The following MACROD2 variants were observed in gnomAD, a reference collection of about 807,000 sequenced individuals.
MACROD2 encodes the protein ADP-ribose glycohydrolase MACROD2.
Under a neutral mutation model 70.4 loss-of-function variants are expected in MACROD2, and 36 were observed. That is an observed-to-expected ratio of 0.51 (90% confidence interval 0.39 to 0.68). MACROD2 has a LOEUF of 0.68. Ranked by LOEUF, MACROD2 falls within the 30% of genes least tolerant of loss-of-function variation. MACROD2 has a pLI of 0.00. For missense variants in MACROD2, 496 were observed against 538.4 expected (o/e 0.92, Z 0.78); for synonymous variants, 172 against 178.8 (o/e 0.96, Z 0.30).
intron 15 of MACROD2, among the ~76,000 whole-genome samples, chr20:16,027,653 G>A (rs557626496): frequency 7.5e-4 from 114 of 152,254 alleles, no homozygotes; most frequent in Non-Finnish European, 1.3e-3. Context: ...CCCCACTGTG[G>A]CTCCTTACAT....
chr20:14,174,989 T>G (rs1490345546), intron 3 of MACROD2, among the ~76,000 whole-genome samples: 2 of 152,202 alleles, frequency 1.3e-5, no homozygotes, highest in East Asian at 3.8e-4. Flanking sequence ...GGGCAGATGA[T>G]TCCCCTTTCA....
intron 3 of MACROD2, among the ~76,000 whole-genome samples, chr20:14,161,110 A>C (rs1432084040): frequency 6.6e-6 from 1 of 151,604 alleles, no homozygotes; most frequent in Non-Finnish European, 1.5e-5. Context: ...TCTGTTCCTG[A>C]GTTATTTTAC....
intron 3 of MACROD2, among the ~76,000 whole-genome samples, chr20:14,154,376 T>C (rs986752674): frequency 1.3e-5 from 2 of 151,036 alleles, no homozygotes; most frequent in Non-Finnish European, 3.0e-5. Flanking sequence ...AATTTAGTAA[T>C]ACCTTTTCTT....
At chr20:15,586,362 T>C (rs115562096) in intron 8 of MACROD2, among the ~76,000 whole-genome samples, 4,850 of 152,346 alleles carry the variant, frequency 0.032, 108 homozygotes, top group Middle Eastern at 0.071. Context: ...GGTGTGAGCC[T>C]GCATTCACCA....
At chr20:15,893,587 A>C in intron 10 of MACROD2, 2 of 401,714 alleles carry the variant, frequency 5.0e-6, no homozygotes, top group South Asian at 3.8e-5. Flanking sequence ...AATTCATTCA[A>C]ATTTTCTTTT....
chr20:15,352,178 T>G (rs1295243883), intron 6 of MACROD2, among the ~76,000 whole-genome samples: 1 of 152,170 alleles, frequency 6.6e-6, no homozygotes, highest in Admixed American at 6.6e-5. Flanking sequence ...AGCCAAGGCT[T>G]GGCAGGATGA....
intron 6 of MACROD2, among the ~76,000 whole-genome samples, chr20:15,368,879 A>G (rs2045450745): frequency 6.6e-6 from 1 of 152,238 alleles, no homozygotes; most frequent in Non-Finnish European, 1.5e-5. Flanking sequence ...AGTGTTTGAT[A>G]TATTTCTTGT....
At chr20:14,797,118 C>T (rs770669530) in intron 5 of MACROD2, among the ~76,000 whole-genome samples, 2 of 152,036 alleles carry the variant, frequency 1.3e-5, no homozygotes, top group Admixed American at 6.6e-5. Flanking sequence ...GTGTTACTCT[C>T]GCATCTCCTT....
At chr20:15,078,914 G>A (rs1210037004) in intron 5 of MACROD2, among the ~76,000 whole-genome samples, 3 of 151,936 alleles carry the variant, frequency 2.0e-5, no homozygotes, top group Non-Finnish European at 2.9e-5. Context: ...CCAAAATGCT[G>A]GGATTATAGG....
At chr20:15,451,697 G>T (rs1348934068) in intron 7 of MACROD2, among the ~76,000 whole-genome samples, 1 of 152,120 alleles carries the variant, frequency 6.6e-6, no homozygotes, top group Non-Finnish European at 1.5e-5. Flanking sequence ...AAAGAAAAAT[G>T]AGGCCTCACG....
intron 5 of MACROD2, among the ~76,000 whole-genome samples, chr20:15,096,414 A>G (rs1242519706): frequency 7.0e-6 from 1 of 142,860 alleles, no homozygotes; most frequent in Non-Finnish European, 1.6e-5. Flanking sequence ...GTCTGTAATT[A>G]TTTTAAAATA....
chr20:15,863,435 A>C (rs2064452435), intron 9 of MACROD2, among the ~76,000 whole-genome samples: 1 of 152,158 alleles, frequency 6.6e-6, no homozygotes, highest in African/African-American at 2.4e-5. Flanking sequence ...ATGTGCCGTT[A>C]GTTGGATTTG....
intron 3 of MACROD2, among the ~76,000 whole-genome samples, chr20:14,218,689 A>G (rs2081644739): frequency 1.3e-5 from 2 of 152,118 alleles, no homozygotes; most frequent in South Asian, 4.1e-4. Context: ...TTGTTTCAAG[A>G]TTTAGAGCAA....
intron 5 of MACROD2, among the ~76,000 whole-genome samples, chr20:15,176,017 C>A (rs552704068): frequency 1.9e-3 from 283 of 152,368 alleles, no homozygotes; most frequent in Non-Finnish European, 1.6e-3. Context: ...CCTCTCCCTG[C>A]TCCCAGTACC....
intron 5 of MACROD2, among the ~76,000 whole-genome samples, chr20:15,202,866 T>C (rs2076668555): frequency 6.6e-6 from 1 of 152,188 alleles, no homozygotes; most frequent in African/African-American, 2.4e-5. Flanking sequence ...ATCATTTTGA[T>C]GTTTTTAGCT....
intron 3 of MACROD2, among the ~76,000 whole-genome samples, chr20:14,394,210 A>G (rs2083557546): frequency 6.6e-6 from 1 of 152,172 alleles, no homozygotes; most frequent in Non-Finnish European, 1.5e-5. Flanking sequence ...AGGAAAATTG[A>G]CATCTTTGAG....
chr20:14,529,989 C>T (rs6042781), intron 4 of MACROD2, among the ~76,000 whole-genome samples: 18 of 151,996 alleles, frequency 1.2e-4, no homozygotes, highest in East Asian at 1.9e-4. Context: ...AAGGTAGAGG[C>T]GGAGGGGAAG....
At chr20:14,033,734 G>A (rs2053273526) in intron 2 of MACROD2, among the ~76,000 whole-genome samples, 1 of 152,070 alleles carries the variant, frequency 6.6e-6, no homozygotes, top group Non-Finnish European at 1.5e-5. Context: ...ATGTGTATGT[G>A]CTTCATGGCC....
intron 3 of MACROD2, among the ~76,000 whole-genome samples, chr20:14,301,380 C>T (rs996844288): frequency 6.6e-6 from 1 of 152,136 alleles, no homozygotes; most frequent in African/African-American, 2.4e-5. Flanking sequence ...TGATTTATTT[C>T]AACATAAACT....
Sources: allele counts gnomAD v4.1 joint callset (sites outside exome capture counted in the v4.1 genomes callset), GRCh38; gene constraint gnomAD v4.1.1; transcripts MANE v1.5; gene names NCBI Gene and HGNC (gene_info 2026-07-23, HGNC 2026-07-21).